The following AMPD1 variants were observed in gnomAD, a reference collection of about 807,000 sequenced individuals.
AMPD1 encodes AMP deaminase 1.
Under a neutral mutation model 82.9 loss-of-function variants are expected in AMPD1, and 74 were observed. That is an observed-to-expected ratio of 0.89 (90% CI 0.74 to 1.08). The LOEUF (loss-of-function observed/expected upper bound fraction) is 1.08. Among genes scored for constraint, AMPD1 ranks in the 50% least tolerant of loss-of-function variants. The pLI is 0.00. For missense variants in AMPD1, 881 were observed against 924.5 expected, an observed-to-expected ratio of 0.95 and a Z score of 0.61; for synonymous variants, 333 against 320.5, an observed-to-expected ratio of 1.04 and a Z score of -0.42.
chr1:114,674,721 G>C lies in AMPD1; in HGVS notation c.1800+31C>G, dbSNP rs754385699. The C allele has an allele frequency of 1.9e-6, 3 of 1,608,442 alleles. No individual in the cohort carries two copies. The African/African-American group carries it at 4.0e-5, about 22-fold the overall frequency. On this transcript the variant is annotated intron_variant, in intron 13 of 15. Coordinates refer to ENST00000520113, the MANE Select transcript of AMPD1 (RefSeq NM_000036.3). Reference sequence around the variant, plus strand: ...GAAAAAAGATTCCTCTAGCTCCAATGTAAAAGTTAAGAAGAGAGCTTCCAA... The same window carrying C: ...GAAAAAAGATTCCTCTAGCTCCAATCTAAAAGTTAAGAAGAGAGCTTCCAA...
intron 9 of AMPD1, 62 bp from the exon 10 acceptor site, chr1:114,677,576 G>T: frequency 6.2e-7 from 1 of 1,601,664 alleles, no homozygotes; most frequent in South Asian, 1.1e-5. Context: ...GGGTTCTAGG[G>T]AGAGGAGATT....
chr1:114,684,559 G>C (rs1302463728), intron 4 of AMPD1, 195 bp from the exon 5 acceptor site: 2 of 628,314 alleles, frequency 3.2e-6, no homozygotes, highest in Non-Finnish European at 5.6e-6. Context: ...AGCTTTTCTA[G>C]CTTCTTTATT....
chr1:114,688,210 C>T (rs1263913943), intron 3 of AMPD1, among the ~76,000 whole-genome samples: 1 of 152,112 alleles, frequency 6.6e-6, no homozygotes, highest in Admixed American at 6.5e-5. Flanking sequence ...TTACTGCAAC[C>T]TCCACCTCCC....
rs1429855794 is a variant in AMPD1, at chr1:114,693,449, T to C, written c.23-2A>G. ...TGCAATACTCACGTTTCTCTTCAGCTGTATGAAGTAAAATAAAACAAGATA... is the reference window on the plus strand; with the variant it reads ...TGCAATACTCACGTTTCTCTTCAGCCGTATGAAGTAAAATAAAACAAGATA... On this transcript the variant is annotated splice_acceptor_variant, in intron 1 of 15. Transcript: ENST00000520113. LOFTEE classifies it high-confidence loss of function. 6.2e-7 allele frequency: 1 copy of C among 1,609,090 alleles called. No homozygotes were observed. Among genetic ancestry groups the C allele is most frequent in the Admixed American group, 1.7e-5 (1 of 59,976 alleles).
chr1:114,684,315 A>T lies in AMPD1; in HGVS notation c.431T>A (p.Leu144Gln). Residue 144 changes from leucine to glutamine, a missense_variant, in exon 5 of 16, where the codon CTA (leucine) becomes CAA (glutamine). Coordinates refer to ENST00000520113, the MANE Select transcript of AMPD1 (RefSeq NM_000036.3). ...CTGCATGTATTTCTCACGTATGCATAGTGCCCGATACAGACCTTTGCAAAC... is the reference window on the plus strand; with the variant it reads ...CTGCATGTATTTCTCACGTATGCATTGTGCCCGATACAGACCTTTGCAAAC... ...EIVCKGLYRA[L>Q]CIREKYMQKS... 6.2e-7 allele frequency: 1 copy of T among 1,614,118 alleles called. No homozygotes were observed. The highest frequency in any genetic ancestry group is 8.5e-7 in the Non-Finnish European group (1 of 1,180,024).
Position 114,674,778 on chromosome 1 carries a change from T to G in AMPD1, c.1774A>C (p.Ile592Leu), listed in dbSNP as rs1027534860. 1.2e-6 allele frequency: 2 copies of G among 1,613,238 alleles called. No individual in the cohort carries two copies. Among genetic ancestry groups the G allele is most frequent in the African/African-American group, 2.7e-5 (2 of 74,906 alleles). Reference protein sequence around the residue: ...LMTAFMIADDISHGLNLKKSP... With the variant: ...LMTAFMIADDLSHGLNLKKSP... Reference sequence around the variant, plus strand: ...TTTTTTAAATTTAGGCCATGAGAGATATCATCTGCTATCATGAATGCTGTC... The same window carrying G: ...TTTTTTAAATTTAGGCCATGAGAGAGATCATCTGCTATCATGAATGCTGTC... Residue 592 changes from isoleucine to leucine, a missense_variant, in exon 13 of 16, where the codon ATC becomes CTC. Physicochemically the swap from Ile to Leu is conservative, Grantham distance 5 (BLOSUM62 2). Coordinates refer to ENST00000520113, the MANE Select transcript of AMPD1 (RefSeq NM_000036.3).
rs1344319121 is a variant in AMPD1, at chr1:114,677,400, G to A, written c.1339C>T (p.Arg447Cys). 5 of 1,611,412 alleles carry A rather than the reference G, an allele frequency of 3.1e-6. No homozygotes were observed. The highest frequency in any genetic ancestry group is 4.2e-6 in the Non-Finnish European group (5 of 1,179,556). The change falls in exon 10 of 16, where the codon CGC (arginine) becomes TGC (cysteine). Residue 447 changes from arginine (R) to cysteine (C), a missense_variant. By Grantham distance (180) the Arg-to-Cys change is radical. This residue lies in a region of AMPD1 where 783 missense variants were observed against 786.4 expected (regional missense o/e 1.00). Coordinates refer to ENST00000520113, the MANE Select transcript of AMPD1 (RefSeq NM_000036.3). ...CATGTCATGTTGGGGCAGTGGATGC[G>A]ATTGCAGACGAACCAGGAGGAGAGT... Reference protein sequence around the residue: ...SKLSSWFVCNRIHCPNMTWMI... With the variant: ...SKLSSWFVCNCIHCPNMTWMI...
chr1:114,695,407 A>C (rs746222740), intron 1 of AMPD1, 43 bp downstream of exon 1: 5 of 1,604,434 alleles, frequency 3.1e-6, no homozygotes, highest in East Asian at 2.2e-5. Flanking sequence ...AAAAAAAAAA[A>C]AAACAACAAC....
chr1:114,676,181 G>A (rs969528683), intron 10 of AMPD1, 178 bp from the exon 11 acceptor site: 4 of 730,498 alleles, frequency 5.5e-6, no homozygotes, highest in African/African-American at 5.3e-5. Flanking sequence ...TTCAGTTTGG[G>A]CAGCACATAG....
intron 8 of AMPD1, 27 bp from the exon 9 acceptor site, chr1:114,678,068 G>A: frequency 1.2e-6 from 2 of 1,613,346 alleles, no homozygotes; most frequent in Non-Finnish European, 1.7e-6. Context: ...GAGCAGAGAT[G>A]TATTATTACC....
At position 114,674,800 on chromosome 1, in the gene AMPD1, T is replaced by C. The variant is rs748986556; in HGVS notation, c.1752A>G (p.Thr584=). 3.2e-5 allele frequency: 51 copies of C among 1,612,320 alleles called. No individual in the cohort carries two copies. In the South Asian group the frequency reaches 5.6e-4, roughly 18 times the overall value. The stretch of plus-strand genomic sequence containing the variant: ...AGATATCATCTGCTATCATGAATGC[T>C]GTCATGAGATGGGTGAGGGCTCCAG... ...GEAGALTHLM[T]AFMIADDISH... The change falls in exon 13 of 16, where the codon ACA becomes ACG. Residue 584 remains threonine, a synonymous_variant. Coordinates refer to ENST00000520113, the MANE Select transcript of AMPD1 (RefSeq NM_000036.3).
At chr1:114,677,142 G>A (rs190160940) in intron 10 of AMPD1, among the ~76,000 whole-genome samples, 1 of 151,876 alleles carries the variant, frequency 6.6e-6, no homozygotes, top group Non-Finnish European at 1.5e-5. Context: ...CTAGAGGACT[G>A]ATCCGAAATG....
chr1:114,673,850 C>A (rs2101710151), intron 14 of AMPD1, 59 bp downstream of exon 14: 1 of 1,597,526 alleles, frequency 6.3e-7, no homozygotes, highest in African/African-American at 1.3e-5. Context: ...CTTTCAAATT[C>A]TGGACGGGAA....
intron 3 of AMPD1, 25 bp from the exon 4 acceptor site, chr1:114,686,935 A>G: frequency 1.2e-6 from 2 of 1,613,496 alleles, no homozygotes; most frequent in Non-Finnish European, 1.7e-6. Context: ...TAAAAGTAAG[A>G]GTTAATTTTG....
chr1:114,690,494 G>A (rs188630841), intron 2 of AMPD1, among the ~76,000 whole-genome samples: 1 of 152,172 alleles, frequency 6.6e-6, no homozygotes, highest in Non-Finnish European at 1.5e-5. Flanking sequence ...AGTCAGGTCA[G>A]CCAGTTTTTA....
chr1:114,680,149 T>C (rs1658112917), intron 6 of AMPD1, 110 bp downstream of exon 6: 2 of 989,918 alleles, frequency 2.0e-6, no homozygotes, highest in East Asian at 2.5e-5. Flanking sequence ...TGTTTGAACA[T>C]AGTAAGCATT....
At position 114,674,861 on chromosome 1, in the gene AMPD1, A is replaced by G; in HGVS notation, c.1691T>C (p.Met564Thr). The G allele has an allele frequency of 6.2e-7, 1 of 1,614,156 alleles. No individual in the cohort carries two copies. Among genetic ancestry groups the G allele is most frequent in the South Asian group, 1.1e-5 (1 of 91,086 alleles). The change falls in exon 13 of 16, where the codon ATG becomes ACG. Residue 564 changes from methionine (M) to threonine (T), a missense_variant. By Grantham distance (81) the Met-to-Thr change is moderately conservative (BLOSUM62 -1). Transcript: ENST00000520113. Reference protein sequence around the residue: ...VLNSLRKERGMNTFLFRPHCG... With the variant: ...VLNSLRKERGTNTFLFRPHCG... ...GTGAGGTCGGAACAGAAACGTATTCATGCCTCGTTCCCTGGGGAAATAGAA... is the reference window on the plus strand; with the variant it reads ...GTGAGGTCGGAACAGAAACGTATTCGTGCCTCGTTCCCTGGGGAAATAGAA...
chr1:114,678,078 C>G (rs1256560579), intron 8 of AMPD1, 37 bp from the exon 9 acceptor site: 2 of 1,612,692 alleles, frequency 1.2e-6, no homozygotes, highest in Non-Finnish European at 1.7e-6. Context: ...GTATTATTAC[C>G]AGAGCTGTCT....
chr1:114,674,236 C>T (rs545410187), intron 13 of AMPD1, among the ~76,000 whole-genome samples, 154 bp from the exon 14 acceptor site: 30 of 152,156 alleles, frequency 2.0e-4, no homozygotes, highest in Admixed American at 1.0e-3. Flanking sequence ...AGGAGTTTTT[C>T]AATGTAAATG....
Sources: allele counts gnomAD v4.1 joint callset (sites outside exome capture counted in the v4.1 genomes callset), GRCh38; gene constraint gnomAD v4.1.1; regional missense constraint gnomAD v4.1.1; transcripts MANE v1.5; gene names NCBI Gene and HGNC (gene_info 2026-07-23, HGNC 2026-07-21).